SMYD5: variants seen among roughly 807,000 people sequenced by gnomAD.
SMYD5 encodes the protein SMYD family member 5, also known as protein-lysine N-trimethyltransferase SMYD5.
A neutral mutation model predicts 57.4 loss-of-function variants in SMYD5; 35 were observed. That is an observed-to-expected ratio of 0.61 (90% CI 0.47 to 0.81). The LOEUF (loss-of-function observed/expected upper bound fraction) is 0.81. Among genes scored for constraint, SMYD5 ranks in the 30% least tolerant of loss-of-function variants. The probability of loss-of-function intolerance (pLI) is 0.00; values close to 1 mark genes in which losing one functional copy is unlikely to be tolerated. For missense variants in SMYD5, 471 were observed against 527.9 expected (o/e 0.89, Z 1.06); for synonymous variants, 198 against 189.7 (o/e 1.04, Z -0.36).
chr2:73,214,643 G>C, intron 1 of SMYD5: 5 of 1,493,888 alleles, frequency 3.3e-6, no homozygotes, highest in Non-Finnish European at 4.5e-6. Context: ...GGCGGGGCTA[G>C]GGGGCTTTGC....
chr2:73,215,115 C>T lies in SMYD5; in HGVS notation c.96+753C>T, dbSNP rs139496726. On this transcript the variant is annotated intron_variant, in intron 1 of 12. Transcript: ENST00000389501. ...TTCCGTGAGAGGGTCACAGTTCACT[C>T]AACCAACCCCTTATTAATGGACCCT... Among the ~76,000 whole-genome samples, 438 of 152,346 alleles carry T rather than the reference C, an allele frequency of 2.9e-3. 1 individual carries two copies. Among genetic ancestry groups the T allele is most frequent in the African/African-American group, 0.01 (427 of 41,572 alleles).
At chr2:73,215,331 T>C (rs1399251724) in intron 1 of SMYD5, among the ~76,000 whole-genome samples, 4 of 152,120 alleles carry the variant, frequency 2.6e-5, no homozygotes, top group Non-Finnish European at 4.4e-5. Flanking sequence ...TTATCCTGTG[T>C]AGTGGCTGTG....
At chr2:73,222,700 G>A (rs1686419013) in intron 6 of SMYD5, 55 bp from the exon 7 acceptor site, 1 of 1,506,932 alleles carries the variant, frequency 6.6e-7, no homozygotes, top group Non-Finnish European at 9.1e-7. Context: ...CCCTGCCTGG[G>A]TGCTAATGGG....
intron 10 of SMYD5, 87 bp from the exon 11 acceptor site, chr2:73,224,779 G>A (rs1366117344): frequency 1.5e-5 from 16 of 1,037,854 alleles, no homozygotes; most frequent in South Asian, 1.0e-4. Flanking sequence ...AGGGATGAAC[G>A]AGCAAGAAAG....
intron 1 of SMYD5, 65 bp downstream of exon 1, chr2:73,214,427 G>A (rs1686252406): frequency 3.1e-6 from 5 of 1,608,888 alleles, no homozygotes; most frequent in Non-Finnish European, 3.4e-6. Context: ...AGCCCGGCCG[G>A]ACTCCATGCC....
Position 73,221,947 on chromosome 2 carries a change from G to C in SMYD5, c.642+17G>C. On this transcript the variant is annotated intron_variant, in intron 6 of 12. Coordinates refer to ENST00000389501, the MANE Select transcript of SMYD5 (RefSeq NM_006062.3). ...AAATTCAAGGTTATTATTCTCCCGT[G>C]GCCTGTCTCCTTCCCTCCCCAAATA... The C allele has an allele frequency of 6.7e-7, 1 of 1,494,634 alleles. No homozygotes were observed. Among genetic ancestry groups the C allele is most frequent in the Non-Finnish European group, 9.3e-7 (1 of 1,071,128 alleles). 92.6% of individuals were successfully genotyped at this position (1,494,634 alleles called of 1,614,324 possible). A position where few individuals can be genotyped will look rare whatever the true frequency, so the allele number is the denominator to read the frequency against.
At position 73,218,565 on chromosome 2, in the gene SMYD5, G is replaced by A. The variant is rs117696420; in HGVS notation, c.97-296G>A. Among the ~76,000 whole-genome samples, 35 of 152,334 alleles carry A rather than the reference G, an allele frequency of 2.3e-4. No individual in the cohort carries two copies. The East Asian group carries it at 6.0e-3, about 26-fold the overall frequency. ...TGCTATAAGCCTTGGCCCTGCTCTG[G>A]CCATACTGAGAAAAATTCTCTCAGT... is the stretch of plus-strand genomic sequence containing the variant. On this transcript the variant is annotated intron_variant, in intron 1 of 12. Transcript: ENST00000389501.
chr2:73,215,124 C>T (rs1686269949), intron 1 of SMYD5, among the ~76,000 whole-genome samples: 1 of 152,166 alleles, frequency 6.6e-6, no homozygotes, highest in African/African-American at 2.4e-5. Flanking sequence ...TCAACCAACC[C>T]CTTATTAATG....
chr2:73,217,241 C>T (rs530273416), intron 1 of SMYD5, among the ~76,000 whole-genome samples: 8 of 152,264 alleles, frequency 5.3e-5, no homozygotes, highest in South Asian at 2.1e-4. Flanking sequence ...TGAGCCACTG[C>T]GCCCGGCCCA....
At chr2:73,225,438 T>G in intron 11 of SMYD5, 193 bp from the exon 12 acceptor site, 14 of 670,212 alleles carry the variant, frequency 2.1e-5, no homozygotes. Flanking sequence ...GCACAGGCTG[T>G]TGGAGCCTTA....
chr2:73,219,125 C>T (rs1686339905), intron 2 of SMYD5, among the ~76,000 whole-genome samples, 156 bp downstream of exon 2: 1 of 152,124 alleles, frequency 6.6e-6, no homozygotes, highest in South Asian at 2.1e-4. Context: ...ATGCCTCTGT[C>T]CAGTCTCAGG....
Position 73,221,894 on chromosome 2 carries a change from G to A in SMYD5, c.606G>A (p.Glu202=). ...QFCNKTANEE[E]EIVHKLLGDK... ...GTAACAAAACAGCCAATGAAGAGGAGGAAATTGTCCATAAACTTCTGGGAG... is the reference window on the plus strand; with the variant it reads ...GTAACAAAACAGCCAATGAAGAGGAAGAAATTGTCCATAAACTTCTGGGAG... The change falls in exon 6 of 13, where the codon GAG becomes GAA. Residue 202 remains glutamate (E), a synonymous_variant. Transcript: ENST00000389501. The A allele has an allele frequency of 5.0e-6, 8 of 1,613,544 alleles. No individual in the cohort carries two copies. Among genetic ancestry groups the A allele is most frequent in the Non-Finnish European group, 6.8e-6 (8 of 1,179,438 alleles).
chr2:73,215,784 G>T (rs1686284216), intron 1 of SMYD5, among the ~76,000 whole-genome samples: 1 of 152,172 alleles, frequency 6.6e-6, no homozygotes, highest in Non-Finnish European at 1.5e-5. Flanking sequence ...CTGATCTGCT[G>T]CTGGAGAAAA....
At chr2:73,214,590 G>A (rs970250419) in intron 1 of SMYD5, 4 of 1,503,544 alleles carry the variant, frequency 2.7e-6, no homozygotes, top group South Asian at 2.6e-5. Flanking sequence ...TCCTCCCAGC[G>A]GAATTCGGCC....
In SMYD5 at chr2:73,225,793, C is replaced by T. The variant is rs1310780834; in HGVS notation, c.1107-3C>T. On this transcript the variant is annotated splice_polypyrimidine_tract_variant and splice_region_variant and intron_variant, in intron 12 of 12. Coordinates refer to ENST00000389501, the MANE Select transcript of SMYD5 (RefSeq NM_006062.3). Reference sequence around the variant, plus strand: ...TCCCCCTCACCATCCCCCACCGCTGCAGGGAGAACTATCTATTTGTCTGTT... The same window carrying T: ...TCCCCCTCACCATCCCCCACCGCTGTAGGGAGAACTATCTATTTGTCTGTT... The T allele has an allele frequency of 6.2e-7, 1 of 1,614,000 alleles. No homozygotes were observed. Among genetic ancestry groups the T allele is most frequent in the Non-Finnish European group, 8.5e-7 (1 of 1,179,978 alleles).
intron 7 of SMYD5, 56 bp from the exon 8 acceptor site, chr2:73,222,980 A>G (rs1486032661): frequency 3.0e-5 from 47 of 1,558,390 alleles, no homozygotes; most frequent in Admixed American, 2.3e-4. Flanking sequence ...AGAGAGTCCA[A>G]TTGGAAGAAA....
chr2:73,226,189 G>A lies in SMYD5; in HGVS notation c.*243G>A. ...ACTGGCACTGAGCCTTTCACAACTG[G>A]CCTCCCCTTGAGGTTCCTCCACTCT... On this transcript the variant is annotated 3_prime_UTR_variant, in exon 13 of 13. Coordinates refer to ENST00000389501, the MANE Select transcript of SMYD5 (RefSeq NM_006062.3). 1 of 548,130 alleles carries A rather than the reference G, an allele frequency of 1.8e-6. No homozygotes were observed. Among genetic ancestry groups the A allele is most frequent in the Non-Finnish European group, 3.2e-6 (1 of 313,454 alleles). The allele number at this position is 548,130 out of a possible 1,614,324, so 34.0% of individuals were successfully genotyped here. A position where few individuals can be genotyped will look rare whatever the true frequency, so the allele number is the denominator to read the frequency against.
At chr2:73,218,108 C>T (rs1686322631) in intron 1 of SMYD5, among the ~76,000 whole-genome samples, 1 of 152,166 alleles carries the variant, frequency 6.6e-6, no homozygotes, top group Non-Finnish European at 1.5e-5. Context: ...TCCCTGTACC[C>T]TCATTGAGTA....
At chr2:73,223,602 C>A in intron 9 of SMYD5, 70 bp downstream of exon 9, 2 of 1,084,830 alleles carry the variant, frequency 1.8e-6, no homozygotes, top group East Asian at 2.4e-5. Context: ...GACACAAAGT[C>A]TTTCCCCAGG....
Sources: allele counts gnomAD v4.1 joint callset (sites outside exome capture counted in the v4.1 genomes callset), GRCh38; gene constraint gnomAD v4.1.1; transcripts MANE v1.5; gene names NCBI Gene and HGNC (gene_info 2026-07-23, HGNC 2026-07-21).